The following BMP2K variants were observed in gnomAD, a reference collection of about 807,000 sequenced individuals.
BMP2K encodes the protein BMP-2-inducible protein kinase.
BMP2K carries 74 observed loss-of-function variants against 116.0 expected under a neutral mutation model. The observed-to-expected ratio is 0.64, with a 90% CI of 0.53 to 0.77. The LOEUF (loss-of-function observed/expected upper bound fraction) is 0.77, where lower values mean the gene tolerates loss of function less well. BMP2K is among the 30% of genes least tolerant of loss of function. BMP2K has a pLI of 0.00. For synonymous variants in BMP2K, 486 were observed against 502.5 expected, an observed-to-expected ratio of 0.97 and a Z score of 0.44; for missense variants, 1,365 against 1,403.6, an observed-to-expected ratio of 0.97 and a Z score of 0.44.
intron 1 of BMP2K, among the ~76,000 whole-genome samples, chr4:78,808,414 TGCCACCGCACCCG>T (rs1230840878): frequency 6.6e-6 from 1 of 151,872 alleles, no homozygotes; most frequent in African/African-American, 2.4e-5. Flanking sequence ...TACAGGCACC[TGCCACCGCACCCG>T]GCTAATTTTT....
rs1733654709 is a variant in BMP2K at position 78,895,497 on chromosome 4, A to C, written c.2062+8213A>C. Among the ~76,000 whole-genome samples the C allele has an allele frequency of 2.0e-5, 3 of 152,164 alleles. No individual in the cohort carries two copies. The South Asian group carries it at 6.2e-4, about 32-fold the overall frequency. The stretch of plus-strand genomic sequence containing the variant: ...AGGATAAATTTTTAAAAAATACTTG[A>C]CATTGAGGATTCCCTTGAAGTAAAT... On this transcript the variant is annotated intron_variant, in intron 15 of 15. Coordinates refer to ENST00000502613, the MANE Select transcript of BMP2K (RefSeq NM_198892.2).
chr4:78,794,008 C>T (rs896774968), intron 1 of BMP2K, among the ~76,000 whole-genome samples: 3 of 152,028 alleles, frequency 2.0e-5, no homozygotes, highest in Non-Finnish European at 2.9e-5. Context: ...TGGGGTTATT[C>T]GCCTGGGGTT....
intron 1 of BMP2K, among the ~76,000 whole-genome samples, chr4:78,815,665 A>C (rs181947865): frequency 1.3e-5 from 2 of 152,166 alleles, no homozygotes; most frequent in Non-Finnish European, 1.5e-5. Flanking sequence ...TGCCCATCAC[A>C]TACATTCAAT....
intron 1 of BMP2K, among the ~76,000 whole-genome samples, chr4:78,802,834 ATC>A (rs1560506242): frequency 7.2e-6 from 1 of 139,586 alleles, no homozygotes. Context: ...AGCATTTATA[ATC>A]TTTTTTTTTT....
At chr4:78,797,781 T>C (rs538696531) in intron 1 of BMP2K, among the ~76,000 whole-genome samples, 13 of 152,352 alleles carry the variant, frequency 8.5e-5, no homozygotes, top group South Asian at 2.1e-4. Context: ...GAAAGTTTTC[T>C]GTTGATTATC....
chr4:78,897,775 C>T (rs558274335), intron 15 of BMP2K, among the ~76,000 whole-genome samples: 1 of 152,238 alleles, frequency 6.6e-6, no homozygotes, highest in East Asian at 1.9e-4. Context: ...GGCATAGTCT[C>T]AGAAGTTAAT....
intron 2 of BMP2K, among the ~76,000 whole-genome samples, 174 bp downstream of exon 2, chr4:78,826,329 G>A (rs1013271105): frequency 1.8e-4 from 28 of 152,118 alleles, no homozygotes; most frequent in Non-Finnish European, 4.0e-4. Flanking sequence ...AGACTCCCAA[G>A]TAGCCAGGAT....
intron 1 of BMP2K, among the ~76,000 whole-genome samples, chr4:78,818,450 G>A (rs570922219): frequency 3.1e-4 from 47 of 152,182 alleles, no homozygotes; most frequent in Admixed American, 9.2e-4. Flanking sequence ...TTTAATGATC[G>A]CCATTCTGAC....
rs745450554 is a variant in BMP2K at position 78,870,961 on chromosome 4, ACAG to A, written c.1422_1424del (p.Gln486del). On this transcript the variant is annotated inframe_deletion, in exon 11 of 16. Coordinates refer to ENST00000502613, the MANE Select transcript of BMP2K (RefSeq NM_198892.2). ...AGCAGCAGCAGCAGCAGCAACAGCA[ACAG>A]CAGCAGCAGCAACAGCAACAGCAGC... 3 of 1,610,690 alleles carry A rather than the reference ACAG, an allele frequency of 1.9e-6. No homozygotes were observed.
At chr4:78,850,684 C>G (rs961363445) in intron 6 of BMP2K, among the ~76,000 whole-genome samples, 1 of 151,766 alleles carries the variant, frequency 6.6e-6, no homozygotes, top group East Asian at 1.9e-4. Context: ...CCAGCTACTT[C>G]TAATTTTTAC....
rs1217475746 is a variant in BMP2K at position 78,912,214 on chromosome 4, T to C, written c.*181T>C. 1.2e-5 allele frequency: 7 copies of C among 580,076 alleles called. No individual in the cohort carries two copies. The highest frequency in any genetic ancestry group is 5.6e-5 in the African/African-American group (3 of 53,204). The allele number at this position is 580,076 out of a possible 1,614,324, so 35.9% of individuals were successfully genotyped here. On this transcript the variant is annotated 3_prime_UTR_variant, in exon 16 of 16. Coordinates refer to ENST00000502613, the MANE Select transcript of BMP2K (RefSeq NM_198892.2). ...TATCTCTACAGGGTAGTAACTTGATTCCTCTTCAGGAGAAAAGGGAGCTAA... is the reference window on the plus strand; with the variant it reads ...TATCTCTACAGGGTAGTAACTTGATCCCTCTTCAGGAGAAAAGGGAGCTAA...
intron 5 of BMP2K, among the ~76,000 whole-genome samples, 166 bp from the exon 6 acceptor site, chr4:78,847,022 T>C (rs1291303614): frequency 1.3e-5 from 2 of 151,580 alleles, no homozygotes; most frequent in Admixed American, 6.6e-5. Flanking sequence ...TATTGTTTAA[T>C]CCTTGACGGG....
chr4:78,867,194 A>C (rs573490419), intron 10 of BMP2K, among the ~76,000 whole-genome samples: 1 of 152,188 alleles, frequency 6.6e-6, no homozygotes, highest in Non-Finnish European at 1.5e-5. Flanking sequence ...GAAAAAAAGA[A>C]AAAAAAGCAA....
At chr4:78,880,058 A>G (rs768084689) in intron 14 of BMP2K, 4 of 152,024 alleles carry the variant, frequency 2.6e-5, no homozygotes, top group Non-Finnish European at 4.4e-5. Flanking sequence ...TCCCAAAAGC[A>G]AGATTTTTTG....
intron 15 of BMP2K, among the ~76,000 whole-genome samples, chr4:78,890,223 A>G (rs553014091): frequency 5.3e-5 from 8 of 151,978 alleles, no homozygotes; most frequent in African/African-American, 9.7e-5. Context: ...CCCTTTTCCT[A>G]CTTAAACTCC....
At position 78,914,850 on chromosome 4, in the gene BMP2K, GA is replaced by G. The variant is rs2110117417; in HGVS notation, c.*2819del. The G allele has an allele frequency of 6.6e-6, 1 of 151,692 alleles. No homozygotes were observed. The highest frequency in any genetic ancestry group is 1.5e-5 in the Non-Finnish European group (1 of 67,836). 9.4% of individuals were successfully genotyped at this position (151,692 alleles called of 1,614,324 possible). ...ATCACTAAGAGAAGTAAATTATTAT[GA>G]AGCTAGCAAAAATCTTGAGGCCAAA... On this transcript the variant is annotated 3_prime_UTR_variant, in exon 16 of 16. Transcript: ENST00000502613.
chr4:78,915,496 A>G lies in BMP2K; in HGVS notation c.*3463A>G, dbSNP rs1005688219. ...TTTTTTTCTTTTTAGCAAACTTGTT[A>G]TTTTAGGTCCAATTATTGAGTTGAC... On this transcript the variant is annotated 3_prime_UTR_variant, in exon 16 of 16. Transcript: ENST00000502613. 3 of 151,574 alleles carry G rather than the reference A, an allele frequency of 2.0e-5. No homozygotes were observed. Among genetic ancestry groups the G allele is most frequent in the African/African-American group, 7.3e-5 (3 of 41,274 alleles). 9.4% of individuals were successfully genotyped at this position (151,574 alleles called of 1,614,324 possible).
rs563478630 is a variant in BMP2K, at chr4:78,776,393, G to C, written c.-151G>C. 1.3e-6 allele frequency: 1 copy of C among 776,428 alleles called. No individual in the cohort carries two copies. Among genetic ancestry groups the C allele is most frequent in the African/African-American group, 1.9e-5 (1 of 53,566 alleles). The allele number at this position is 776,428 out of a possible 1,614,324, so 48.1% of individuals were successfully genotyped here. On this transcript the variant is annotated 5_prime_UTR_variant, in exon 1 of 16. Coordinates refer to ENST00000502613, the MANE Select transcript of BMP2K (RefSeq NM_198892.2). Reference sequence around the variant, plus strand: ...GAGCGGGCGGCGGGGCCCAGGCTGTGCGCTTGGGGAGCGCGGAATGTGAGG... The same window carrying C: ...GAGCGGGCGGCGGGGCCCAGGCTGTCCGCTTGGGGAGCGCGGAATGTGAGG...
intron 6 of BMP2K, 41 bp downstream of exon 6, chr4:78,847,310 A>G: frequency 6.9e-7 from 1 of 1,444,224 alleles, no homozygotes; most frequent in Non-Finnish European, 9.4e-7. Flanking sequence ...AACCAAATTA[A>G]AAAATCTGAG....
Sources: gnomAD v4.1 joint callset for allele counts (sites outside exome capture counted in the v4.1 genomes callset) on GRCh38, gnomAD v4.1.1 for gene constraint, MANE v1.5 for transcripts, NCBI Gene and HGNC (gene_info 2026-07-23, HGNC 2026-07-21) for gene names.